LIMCH1: variants seen among roughly 807,000 people sequenced by gnomAD.
LIMCH1 encodes LIM and calponin homology domains 1, also known as LIM and calponin homology domains-containing protein 1.
Under a neutral mutation model 176.5 loss-of-function variants are expected in LIMCH1, and 113 were observed. The ratio of observed to expected loss-of-function variants is 0.64; its 90% CI spans 0.55 to 0.75. The LOEUF (loss-of-function observed/expected upper bound fraction) is 0.75, where lower values mean the gene tolerates loss of function less well. Ranked by LOEUF, LIMCH1 falls within the 30% of genes least tolerant of loss-of-function variation. LIMCH1 has a pLI of 0.00. For missense variants in LIMCH1, 1,674 were observed against 1,814.9 expected (o/e 0.92, Z 1.41); for synonymous variants, 619 against 645.9 (o/e 0.96, Z 0.63).
rs746947939 is a variant in LIMCH1 at position 41,679,969 on chromosome 4, G to T, written c.3520-37G>T. ...GAAAATTCCCGATGACGTATGCAAT[G>T]GTCAGTTGAGAACAATCTATGGAAA... On this transcript the variant is annotated intron_variant, in intron 23 of 31. Transcript: ENST00000503057. 8 of 1,413,358 alleles carry T rather than the reference G, an allele frequency of 5.7e-6. No individual in the cohort carries two copies. The South Asian group carries it at 6.0e-5, about 11-fold the overall frequency. The allele number at this position is 1,413,358 out of a possible 1,614,324, so 87.6% of individuals were successfully genotyped here.
rs778574621 is a variant in LIMCH1 at position 41,682,355 on chromosome 4, G to A, written c.3740G>A (p.Cys1247Tyr). The A allele has an allele frequency of 6.2e-7, 1 of 1,611,776 alleles. No individual in the cohort carries two copies. Among genetic ancestry groups the A allele is most frequent in the East Asian group, 2.2e-5 (1 of 44,810 alleles). Reference protein sequence around the residue: ...GTMNKIDLGNCQDEKQDRRWK... With the variant: ...GTMNKIDLGNYQDEKQDRRWK... ...TAGAATAAGATAGACCTGGGAAACT[G>A]TCAAGATGAAAAACAAGACAGAAGA... The change falls in exon 26 of 32, where the codon TGT becomes TAT. Residue 1247 changes from cysteine (C) to tyrosine (Y), a missense_variant. Cys to Tyr is a radical substitution (Grantham distance 194, BLOSUM62 -2). Around this residue, in one of 3 missense-constraint regions of LIMCH1, gnomAD observed 1,015 missense variants for 1,102.5 expected, o/e 0.92. Coordinates refer to ENST00000503057, the MANE Select transcript of LIMCH1 (RefSeq NM_001330672.2).
intron 1 of LIMCH1, among the ~76,000 whole-genome samples, chr4:41,474,589 A>C (rs1267484110): frequency 6.6e-6 from 1 of 152,180 alleles, no homozygotes; most frequent in Admixed American, 6.5e-5. Flanking sequence ...AACACCTCTA[A>C]TCACTAGAAA....
chr4:41,447,230 G>C (rs928353018), intron 1 of LIMCH1, among the ~76,000 whole-genome samples: 6 of 152,154 alleles, frequency 3.9e-5, no homozygotes, highest in Non-Finnish European at 8.8e-5. Flanking sequence ...GCGAGACCCT[G>C]TCTCAACAAC....
intron 18 of LIMCH1, among the ~76,000 whole-genome samples, chr4:41,654,220 G>A (rs151036544): frequency 0.013 from 1,935 of 152,202 alleles, 15 homozygotes; most frequent in Non-Finnish European, 0.021. Context: ...ACTGTGCTTC[G>A]AATTTTGAAT....
chr4:41,613,195 T>C, intron 4 of LIMCH1: 1 of 1,117,988 alleles, frequency 8.9e-7, no homozygotes, highest in Admixed American at 2.2e-5. Context: ...TCTCTACTCT[T>C]TTTTTTTTAA....
chr4:41,368,911 T>C (rs1362950012), intron 1 of LIMCH1, among the ~76,000 whole-genome samples: 1 of 152,170 alleles, frequency 6.6e-6, no homozygotes, highest in Non-Finnish European at 1.5e-5. Context: ...TTGGACAAAA[T>C]AGAGGCTGTA....
chr4:41,517,596 A>G (rs1169112073), intron 2 of LIMCH1, among the ~76,000 whole-genome samples: 1 of 152,146 alleles, frequency 6.6e-6, no homozygotes, highest in Non-Finnish European at 1.5e-5. Flanking sequence ...TATTGATGGC[A>G]GCTTGCGTTC....
At chr4:41,390,173 A>G (rs1250522378) in intron 1 of LIMCH1, among the ~76,000 whole-genome samples, 2 of 149,442 alleles carry the variant, frequency 1.3e-5, no homozygotes, top group African/African-American at 2.5e-5. Flanking sequence ...CTCTCACTCC[A>G]CTACTTTCTG....
chr4:41,638,233 G>C (rs1320232906), intron 13 of LIMCH1, among the ~76,000 whole-genome samples: 1 of 152,026 alleles, frequency 6.6e-6, no homozygotes, highest in Non-Finnish European at 1.5e-5. Flanking sequence ...CTATCGCAGA[G>C]GGTACAACTT....
chr4:41,639,596 G>T (rs879505947), intron 14 of LIMCH1, among the ~76,000 whole-genome samples: 4 of 151,958 alleles, frequency 2.6e-5, no homozygotes, highest in Non-Finnish European at 2.9e-5. Context: ...TCCTTATCCC[G>T]TACTCCACAT....
chr4:41,453,843 A>C (rs1040377753), intron 1 of LIMCH1, among the ~76,000 whole-genome samples: 1 of 152,126 alleles, frequency 6.6e-6, no homozygotes, highest in East Asian at 1.9e-4. Flanking sequence ...TCTTAGGATG[A>C]ATCTCCAGCC....
chr4:41,394,953 T>C (rs998542906), intron 1 of LIMCH1, among the ~76,000 whole-genome samples: 34 of 152,342 alleles, frequency 2.2e-4, no homozygotes, highest in Admixed American at 1.9e-3. Context: ...GCTTCACTTT[T>C]TTCTTTGGCC....
intron 13 of LIMCH1, among the ~76,000 whole-genome samples, chr4:41,636,188 G>A (rs1025963707): frequency 1.3e-5 from 2 of 151,334 alleles, no homozygotes; most frequent in Non-Finnish European, 2.9e-5. Flanking sequence ...GGGATTATAG[G>A]CATGAGCCAC....
At chr4:41,695,299 A>C (rs2153099294) in intron 31 of LIMCH1, among the ~76,000 whole-genome samples, 1 of 151,540 alleles carries the variant, frequency 6.6e-6, no homozygotes, top group Non-Finnish European at 1.5e-5. Flanking sequence ...TGTATAAATA[A>C]ATTTAGCTGA....
chr4:41,453,034 A>G (rs1485594889), intron 1 of LIMCH1, among the ~76,000 whole-genome samples: 1 of 152,090 alleles, frequency 6.6e-6, no homozygotes, highest in East Asian at 1.9e-4. Flanking sequence ...TTACTTGATG[A>G]TACTCAGTGC....
At chr4:41,361,127 G>A (rs939575684) in intron 1 of LIMCH1, among the ~76,000 whole-genome samples, 1 of 152,190 alleles carries the variant, frequency 6.6e-6, no homozygotes, top group Admixed American at 6.5e-5. Context: ...AATCCCGGGC[G>A]AGGGTGGGCG....
chr4:41,376,052 T>C (rs2054720064), intron 1 of LIMCH1, among the ~76,000 whole-genome samples: 1 of 152,244 alleles, frequency 6.6e-6, no homozygotes, highest in Non-Finnish European at 1.5e-5. Context: ...GACATGAGTT[T>C]CTTATTTATC....
intron 9 of LIMCH1, among the ~76,000 whole-genome samples, chr4:41,630,047 C>T (rs1053359529): frequency 6.6e-6 from 1 of 152,048 alleles, no homozygotes; most frequent in African/African-American, 2.4e-5. Flanking sequence ...CTCAAGGGAT[C>T]CTCCCACCTC....
chr4:41,548,840 G>A (rs1316357572), intron 1 of LIMCH1, among the ~76,000 whole-genome samples: 1 of 152,080 alleles, frequency 6.6e-6, no homozygotes, highest in Non-Finnish European at 1.5e-5. Flanking sequence ...ATGCAGTGTG[G>A]TTTCAGGCCA....
Sources: allele counts gnomAD v4.1 joint callset (sites outside exome capture counted in the v4.1 genomes callset), GRCh38; gene constraint gnomAD v4.1.1; regional missense constraint gnomAD v4.1.1; transcripts MANE v1.5; gene names NCBI Gene and HGNC (gene_info 2026-07-23, HGNC 2026-07-21).